CACNA2D3: variants seen among roughly 807,000 people sequenced by gnomAD.
CACNA2D3 encodes the protein voltage-dependent calcium channel subunit alpha-2/delta-3.
CACNA2D3 carries 60 observed loss-of-function variants against 160.6 expected under a neutral mutation model. The ratio of observed to expected loss-of-function variants is 0.37; its 90% CI spans 0.30 to 0.46. The LOEUF (loss-of-function observed/expected upper bound fraction) is 0.46. CACNA2D3 is among the 20% of genes least tolerant of loss of function. The pLI is 1.00. For synonymous variants in CACNA2D3, 558 were observed against 492.9 expected, an observed-to-expected ratio of 1.13 and a Z score of -1.75; for missense variants, 1,205 against 1,365.0, an observed-to-expected ratio of 0.88 and a Z score of 1.85.
At chr3:54,971,496 G>A (rs1280958961) in intron 29 of CACNA2D3, among the ~76,000 whole-genome samples, 5 of 152,258 alleles carry the variant, frequency 3.3e-5, no homozygotes, top group Middle Eastern at 6.8e-3. Flanking sequence ...ATGGTTGGAC[G>A]GGTGGCTCAC....
At chr3:54,449,447 T>G (rs187140910) in intron 4 of CACNA2D3, among the ~76,000 whole-genome samples, 3 of 152,218 alleles carry the variant, frequency 2.0e-5, no homozygotes, top group Non-Finnish European at 4.4e-5. Flanking sequence ...TCAAGTGTGG[T>G]TTTCTTTATA....
At chr3:55,034,913 A>T (rs1337508866) in intron 35 of CACNA2D3, among the ~76,000 whole-genome samples, 1 of 152,144 alleles carries the variant, frequency 6.6e-6, no homozygotes, top group East Asian at 1.9e-4. Context: ...AATAGTTTGG[A>T]ACCATTCTTT....
intron 2 of CACNA2D3, among the ~76,000 whole-genome samples, chr3:54,140,085 A>G (rs1249669506): frequency 1.3e-5 from 2 of 152,222 alleles, no homozygotes; most frequent in East Asian, 3.8e-4. Flanking sequence ...ATTAAATTGG[A>G]TCAGGAATTT....
chr3:54,537,744 C>T (rs1701911451), intron 5 of CACNA2D3, among the ~76,000 whole-genome samples: 1 of 152,124 alleles, frequency 6.6e-6, no homozygotes, highest in African/African-American at 2.4e-5. Context: ...CCTTGAGGTC[C>T]TCACTCCCTG....
At chr3:54,303,818 G>GTTTTTTTGTTTT (rs767769095) in intron 2 of CACNA2D3, among the ~76,000 whole-genome samples, 6 of 115,006 alleles carry the variant, frequency 5.2e-5, no homozygotes, top group Admixed American at 2.0e-4. Context: ...CTTTTTTTCT[G>GTTTTTTTGTTTT]TTTTTTTTTT....
chr3:54,987,654 C>T (rs755817492), intron 30 of CACNA2D3, 29 bp from the exon 31 acceptor site: 4 of 1,473,602 alleles, frequency 2.7e-6, no homozygotes, highest in South Asian at 2.4e-5. Flanking sequence ...TATTTATCTA[C>T]ACCTCCTCAT....
At chr3:54,367,069 T>C (rs1040729154) in intron 3 of CACNA2D3, among the ~76,000 whole-genome samples, 9 of 152,220 alleles carry the variant, frequency 5.9e-5, no homozygotes, top group Non-Finnish European at 1.0e-4. Flanking sequence ...ATTATTGACT[T>C]CGAATCTATC....
rs1702998305 is a variant in CACNA2D3 at position 54,801,942 on chromosome 3, TA to T, written c.1381-14909del. 2.6e-5 allele frequency among the ~76,000 whole-genome samples: 4 copies of T among 152,330 alleles called. No individual in the cohort carries two copies. The South Asian group carries it at 8.3e-4, about 32-fold the overall frequency. On this transcript the variant is annotated intron_variant, in intron 13 of 37. Coordinates refer to ENST00000474759, the MANE Select transcript of CACNA2D3 (RefSeq NM_018398.3). ...GAATACATAGATACCATTTTACCCA[TA>T]AGTCTTTCCAACAAAATTGGAAGGA...
At chr3:54,827,291 G>A (rs533661848) in intron 14 of CACNA2D3, among the ~76,000 whole-genome samples, 6 of 152,342 alleles carry the variant, frequency 3.9e-5, no homozygotes, top group South Asian at 2.1e-4. Flanking sequence ...TTAAGGCTAC[G>A]TAGATGCAAA....
chr3:54,314,356 A>T (rs1030503647), intron 2 of CACNA2D3, among the ~76,000 whole-genome samples: 4 of 152,210 alleles, frequency 2.6e-5, no homozygotes, highest in Admixed American at 2.6e-4. Context: ...GAATTGTGCC[A>T]CTATAAGCAT....
At chr3:54,164,965 A>G (rs1031160914) in intron 2 of CACNA2D3, among the ~76,000 whole-genome samples, 1 of 152,228 alleles carries the variant, frequency 6.6e-6, no homozygotes, top group Non-Finnish European at 1.5e-5. Context: ...TAGGGGGATC[A>G]GTAAGCAGTT....
chr3:54,596,125 C>A (rs888835797), intron 9 of CACNA2D3, among the ~76,000 whole-genome samples: 5 of 152,094 alleles, frequency 3.3e-5, no homozygotes, highest in Admixed American at 2.0e-4. Context: ...ATCCAGATGC[C>A]AAAACCTACA....
chr3:54,278,984 C>T (rs1011579498), intron 2 of CACNA2D3, among the ~76,000 whole-genome samples: 1 of 152,164 alleles, frequency 6.6e-6, no homozygotes, highest in Non-Finnish European at 1.5e-5. Context: ...GTACCACACA[C>T]ACAAAAACAC....
chr3:54,573,171 A>G (rs17054158), intron 8 of CACNA2D3, among the ~76,000 whole-genome samples: 8,124 of 152,298 alleles, frequency 0.053, 299 homozygotes, highest in Non-Finnish European at 0.073. Context: ...CACTATTTAC[A>G]TAATTATTTC....
intron 5 of CACNA2D3, among the ~76,000 whole-genome samples, chr3:54,545,578 A>G (rs1352802068): frequency 1.3e-5 from 2 of 152,096 alleles, no homozygotes; most frequent in Non-Finnish European, 1.5e-5. Context: ...CTTGCATTAA[A>G]CTTTCCTTGC....
At chr3:54,217,182 G>A (rs1378923581) in intron 2 of CACNA2D3, among the ~76,000 whole-genome samples, 4 of 152,248 alleles carry the variant, frequency 2.6e-5, no homozygotes, top group African/African-American at 4.8e-5. Flanking sequence ...TTTCTGGTGC[G>A]ATGGTGAAGC....
At chr3:54,230,839 C>CAAA (rs1214963322) in intron 2 of CACNA2D3, among the ~76,000 whole-genome samples, 2 of 152,176 alleles carry the variant, frequency 1.3e-5, no homozygotes, top group Non-Finnish European at 2.9e-5. Context: ...TTAAATTGAG[C>CAAA]TGTAAACATT....
chr3:54,834,261 A>G (rs1240304986), intron 14 of CACNA2D3, among the ~76,000 whole-genome samples: 2 of 152,184 alleles, frequency 1.3e-5, no homozygotes, highest in African/African-American at 2.4e-5. Flanking sequence ...TCCATGTTAC[A>G]TGTTGGCACT....
At chr3:54,654,073 C>A (rs772617239) in intron 11 of CACNA2D3, among the ~76,000 whole-genome samples, 19 of 152,278 alleles carry the variant, frequency 1.2e-4, no homozygotes, top group Non-Finnish European at 2.1e-4. Context: ...AAGTCCCTTG[C>A]CACTGAGCCC....
Sources: allele counts gnomAD v4.1 joint callset (sites outside exome capture counted in the v4.1 genomes callset), GRCh38; gene constraint gnomAD v4.1.1; transcripts MANE v1.5; gene names NCBI Gene and HGNC (gene_info 2026-07-23, HGNC 2026-07-21).